DEFB131A: variants seen among roughly 807,000 people sequenced by gnomAD.
DEFB131A encodes the protein beta-defensin 131A.
In DEFB131A, 5 loss-of-function variants were observed where a neutral mutation model predicts 2.4. That is an observed-to-expected ratio of 2.12 (90% confidence interval 1.11 to 4.47). The LOEUF (loss-of-function observed/expected upper bound fraction) is 4.47. Among genes scored for constraint, DEFB131A ranks in the 30% most tolerant of loss-of-function variants. The pLI, the probability that DEFB131A is intolerant of heterozygous loss-of-function variation, is 0.00. For missense variants in DEFB131A, 120 were observed against 79.9 expected, an observed-to-expected ratio of 1.50 and a Z score of -1.91; for synonymous variants, 34 against 25.7, an observed-to-expected ratio of 1.32 and a Z score of -0.97.
chr4:9,447,511 A>G (rs754203334), intron 1 of DEFB131A, among the ~76,000 whole-genome samples: 4 of 152,154 alleles, frequency 2.6e-5, no homozygotes, highest in Non-Finnish European at 4.4e-5. Context: ...TCTGGAAGTT[A>G]TAATTCTAAG....
rs192527487 is a variant in DEFB131A, at chr4:9,444,695, C to T, written c.58+104C>T. The T allele has an allele frequency of 5.9e-6, 7 of 1,185,532 alleles. No homozygotes were observed. In the African/African-American group the frequency reaches 1.0e-4, roughly 18 times the overall value. 73.4% of individuals were successfully genotyped at this position (1,185,532 alleles called of 1,614,324 possible). A position where few individuals can be genotyped will look rare whatever the true frequency, so the allele number is the denominator to read the frequency against. ...ATAAAATAGGCATGGGCAGATTTTACTGTACCATGAAGGCTGCTCAGAGGA... is the reference window on the plus strand; with the variant it reads ...ATAAAATAGGCATGGGCAGATTTTATTGTACCATGAAGGCTGCTCAGAGGA... On this transcript the variant is annotated intron_variant, in intron 1 of 1. Transcript: ENST00000334879.
At chr4:9,448,633 A>C (rs1717567915) in intron 1 of DEFB131A, among the ~76,000 whole-genome samples, 1 of 152,178 alleles carries the variant, frequency 6.6e-6, no homozygotes, top group African/African-American at 2.4e-5. Context: ...CTACCCTTTA[A>C]ATTAAGGTAA....
chr4:9,444,633 A>G (rs1257502403), intron 1 of DEFB131A, 42 bp downstream of exon 1: 11 of 1,588,590 alleles, frequency 6.9e-6, no homozygotes, highest in Non-Finnish European at 8.6e-6. Context: ...TAAAAATATA[A>G]GTAAAAGAAA....
At chr4:9,445,812 C>T (rs28495322) in intron 1 of DEFB131A, among the ~76,000 whole-genome samples, 3,446 of 151,982 alleles carry the variant, frequency 0.023, 66 homozygotes, top group African/African-American at 0.075. Context: ...TGTTTATAAC[C>T]GCAAGAAGAA....
At position 9,450,511 on chromosome 4, in the gene DEFB131A, G is replaced by A. The variant is rs200692680; in HGVS notation, c.210G>A (p.Trp70Ter). ...KIIEIDGQKKW is the reference protein window; with the variant it reads ...KIIEIDGQKK ...TTGAAATTGACGGACAAAAGAAGTG[G>A]TGAAAATTCTAACTCCATCTTCTTC... Residue 70 changes from tryptophan to a stop codon, truncating the protein, a stop_gained, in exon 2 of 2, where the codon TGG becomes TGA. Transcript: ENST00000334879. LOFTEE classifies it high-confidence loss of function. 4.7e-5 allele frequency: 76 copies of A among 1,608,106 alleles called. 1 individual carries two copies. Among genetic ancestry groups the A allele is most frequent in the Non-Finnish European group, 8.5e-6 (10 of 1,178,020 alleles).
chr4:9,448,888 T>G (rs1270605527), intron 1 of DEFB131A, among the ~76,000 whole-genome samples: 4 of 151,866 alleles, frequency 2.6e-5, no homozygotes, highest in African/African-American at 9.7e-5. Flanking sequence ...AGTTGGGGGG[T>G]GGGAATGAGT....
chr4:9,446,016 G>T (rs959770001), intron 1 of DEFB131A, among the ~76,000 whole-genome samples: 2 of 151,926 alleles, frequency 1.3e-5, no homozygotes, highest in African/African-American at 4.8e-5. Flanking sequence ...TTCATTCAGT[G>T]GTCATCAGTA....
At chr4:9,445,610 T>A (rs1415734137) in intron 1 of DEFB131A, among the ~76,000 whole-genome samples, 1 of 151,618 alleles carries the variant, frequency 6.6e-6, no homozygotes, top group Admixed American at 6.6e-5. Context: ...ATATAATACT[T>A]CATGATTCAA....
chr4:9,445,958 T>A, intron 1 of DEFB131A, among the ~76,000 whole-genome samples: 1 of 152,142 alleles, frequency 6.6e-6, no homozygotes, highest in East Asian at 1.9e-4. Flanking sequence ...TTTAGCATAA[T>A]GTTTTCAAGA....
chr4:9,446,991 G>T (rs1193770279), intron 1 of DEFB131A, among the ~76,000 whole-genome samples: 1 of 152,068 alleles, frequency 6.6e-6, no homozygotes, highest in Non-Finnish European at 1.5e-5. Context: ...GTTGAAACTT[G>T]TTTTGTGTCT....
intron 1 of DEFB131A, among the ~76,000 whole-genome samples, chr4:9,448,841 C>G (rs1354533265): frequency 6.6e-6 from 1 of 152,078 alleles, no homozygotes; most frequent in African/African-American, 2.4e-5. Flanking sequence ...CTAGCAAGAA[C>G]AATTAGGCAA....
intron 1 of DEFB131A, among the ~76,000 whole-genome samples, chr4:9,449,640 T>C (rs1717601563): frequency 6.6e-6 from 1 of 151,928 alleles, no homozygotes; most frequent in Non-Finnish European, 1.5e-5. Flanking sequence ...GTCATGGCAA[T>C]TATTTTAACT....
intron 1 of DEFB131A, among the ~76,000 whole-genome samples, chr4:9,447,339 A>G (rs1011269152): frequency 6.6e-6 from 1 of 152,162 alleles, no homozygotes; most frequent in Non-Finnish European, 1.5e-5. Context: ...TTATCATTAT[A>G]TGATGACCTT....
chr4:9,445,186 G>A (rs2108836700), intron 1 of DEFB131A, among the ~76,000 whole-genome samples: 1 of 152,228 alleles, frequency 6.6e-6, no homozygotes, highest in Non-Finnish European at 1.5e-5. Context: ...TTGGAAAAAG[G>A]AAAAGTGAAT....
chr4:9,447,974 A>G (rs9999242), intron 1 of DEFB131A, among the ~76,000 whole-genome samples: 2,363 of 152,208 alleles, frequency 0.016, 65 homozygotes, highest in African/African-American at 0.054. Context: ...AAGGAACAAT[A>G]TATGTGTAAT....
chr4:9,449,755 C>T (rs1019846959), intron 1 of DEFB131A, among the ~76,000 whole-genome samples: 21 of 152,054 alleles, frequency 1.4e-4, no homozygotes, highest in African/African-American at 4.8e-4. Flanking sequence ...GTAACTTTCT[C>T]AATAAAGGAC....
At chr4:9,445,203 TAGA>T (rs1233062448) in intron 1 of DEFB131A, among the ~76,000 whole-genome samples, 2 of 152,134 alleles carry the variant, frequency 1.3e-5, no homozygotes, top group African/African-American at 4.8e-5. Context: ...GAATGATGAC[TAGA>T]AGAAGGGCTA....
chr4:9,449,876 C>T (rs1717610286), intron 1 of DEFB131A, among the ~76,000 whole-genome samples: 1 of 152,098 alleles, frequency 6.6e-6, no homozygotes, highest in Admixed American at 6.5e-5. Flanking sequence ...AACAGAGAAG[C>T]AACCAAAGAC....
intron 1 of DEFB131A, among the ~76,000 whole-genome samples, chr4:9,445,090 A>G (rs969693395): frequency 3.9e-5 from 6 of 152,086 alleles, no homozygotes; most frequent in African/African-American, 1.4e-4. Flanking sequence ...AAAAAATAAT[A>G]ATAATAAAAA....
Sources: allele counts gnomAD v4.1 joint callset (sites outside exome capture counted in the v4.1 genomes callset), GRCh38; gene constraint gnomAD v4.1.1; transcripts MANE v1.5; gene names NCBI Gene and HGNC (gene_info 2026-07-23, HGNC 2026-07-21).